The following DGKG variants were observed in gnomAD, a reference collection of about 807,000 sequenced individuals.
The protein encoded by DGKG is diacylglycerol kinase gamma.
A neutral mutation model predicts 105.3 loss-of-function variants in DGKG; 78 were observed. The observed-to-expected ratio is 0.74, with a 90% confidence interval of 0.62 to 0.89. The LOEUF (loss-of-function observed/expected upper bound fraction) is 0.89, where lower values mean the gene tolerates loss of function less well. Ranked by LOEUF, DGKG falls within the 40% of genes least tolerant of loss-of-function variation. DGKG has a pLI of 0.00. For missense variants in DGKG, 958 were observed against 1,020.1 expected, an observed-to-expected ratio of 0.94 and a Z score of 0.83; for synonymous variants, 346 against 367.1, an observed-to-expected ratio of 0.94 and a Z score of 0.66.
At chr3:186,247,802 C>T (rs944375275) in intron 19 of DGKG, among the ~76,000 whole-genome samples, 1 of 152,088 alleles carries the variant, frequency 6.6e-6, no homozygotes, top group Non-Finnish European at 1.5e-5. Flanking sequence ...AAAAAAATTA[C>T]AAGAAAGATA....
intron 5 of DGKG, among the ~76,000 whole-genome samples, chr3:186,292,354 T>C (rs1441101294): frequency 6.6e-6 from 1 of 152,192 alleles, no homozygotes; most frequent in Non-Finnish European, 1.5e-5. Context: ...GTGTGTGTGA[T>C]TTAACACAAG....
intron 24 of DGKG, chr3:186,158,843 T>C (rs1716155176): frequency 1.1e-6 from 1 of 939,096 alleles, no homozygotes; most frequent in South Asian, 4.9e-5. Flanking sequence ...CATAATTGAA[T>C]GTACTTTTTA....
intron 21 of DGKG, among the ~76,000 whole-genome samples, chr3:186,194,924 C>CG (rs1718105342): frequency 6.6e-6 from 1 of 151,328 alleles, no homozygotes; most frequent in African/African-American, 2.4e-5. Flanking sequence ...GCCAACATGG[C>CG]GAAACCCTGT....
chr3:186,325,317 TG>T (rs1725286984), intron 1 of DGKG, among the ~76,000 whole-genome samples: 1 of 152,160 alleles, frequency 6.6e-6, no homozygotes. Context: ...ACCTGGGTGA[TG>T]GGATCATTCA....
chr3:186,173,927 A>G (rs917582329), intron 22 of DGKG, among the ~76,000 whole-genome samples: 9 of 152,232 alleles, frequency 5.9e-5, no homozygotes, highest in Non-Finnish European at 8.8e-5. Context: ...CATCCCAACC[A>G]TAACTAAGCT....
At chr3:186,301,792 C>T (rs1023421305) in intron 3 of DGKG, among the ~76,000 whole-genome samples, 4 of 152,210 alleles carry the variant, frequency 2.6e-5, no homozygotes, top group African/African-American at 7.2e-5. Flanking sequence ...CAGTGTTCTA[C>T]AGTCCAGTGG....
At chr3:186,293,229 A>G (rs760077370) in intron 5 of DGKG, among the ~76,000 whole-genome samples, 4 of 152,212 alleles carry the variant, frequency 2.6e-5, no homozygotes, top group Non-Finnish European at 4.4e-5. Flanking sequence ...ATTATAGTAT[A>G]CAGAGTAGTT....
chr3:186,323,546 C>G (rs561590354), intron 1 of DGKG, among the ~76,000 whole-genome samples: 1 of 152,286 alleles, frequency 6.6e-6, no homozygotes, highest in East Asian at 1.9e-4. Context: ...GTAATCCCAT[C>G]ACTTTAGGAG....
At chr3:186,333,052 G>T (rs565825417) in intron 1 of DGKG, among the ~76,000 whole-genome samples, 1 of 152,234 alleles carries the variant, frequency 6.6e-6, no homozygotes, top group African/African-American at 2.4e-5. Context: ...CTCCATAACC[G>T]TAAGAAATAA....
At chr3:186,350,065 T>C (rs1726553836) in intron 1 of DGKG, among the ~76,000 whole-genome samples, 1 of 152,066 alleles carries the variant, frequency 6.6e-6, no homozygotes, top group East Asian at 1.9e-4. Flanking sequence ...TGTGTAGTTT[T>C]TTTAAGTAGA....
intron 5 of DGKG, among the ~76,000 whole-genome samples, chr3:186,296,871 A>G (rs991241429): frequency 2.0e-5 from 3 of 152,222 alleles, no homozygotes; most frequent in African/African-American, 7.2e-5. Context: ...CTTCAAGACC[A>G]TTTGAGCTGG....
intron 19 of DGKG, among the ~76,000 whole-genome samples, chr3:186,250,625 T>C (rs184439971): frequency 0.011 from 1,568 of 139,282 alleles, 10 homozygotes; most frequent in Non-Finnish European, 0.016. Flanking sequence ...TCTCGGCTCA[T>C]TGCAACCTCT....
chr3:186,319,155 A>G (rs1379840359), intron 2 of DGKG, among the ~76,000 whole-genome samples: 3 of 152,280 alleles, frequency 2.0e-5, no homozygotes, highest in Non-Finnish European at 4.4e-5. Context: ...TTCTAAACCC[A>G]TGGGGGTCAG....
intron 7 of DGKG, among the ~76,000 whole-genome samples, chr3:186,283,449 C>T (rs992575261): frequency 2.0e-5 from 3 of 152,288 alleles, no homozygotes; most frequent in African/African-American, 7.2e-5. Context: ...ACTCCCTCAC[C>T]TTCTTCATGC....
At chr3:186,299,838 T>TCTTTCTTTC (rs1560142060) in intron 3 of DGKG, among the ~76,000 whole-genome samples, 67 of 83,734 alleles carry the variant, frequency 8.0e-4, no homozygotes, top group Middle Eastern at 6.1e-3. Context: ...TCTTTCTTTC[T>TCTTTCTTTC]TTTTTTTTTT....
At position 186,313,165 on chromosome 3, in the gene DGKG, G is replaced by A. The variant is rs373041127; in HGVS notation, c.68-6188C>T. Among the ~76,000 whole-genome samples the A allele has an allele frequency of 8.5e-5, 13 of 152,266 alleles. No homozygotes were observed. In the South Asian group the frequency reaches 2.7e-3, roughly 32 times the overall value. ...GGGCTTTAAAAAATACTGATGCCCAGGCCCCTTGCCTACAAACTGTGATTA... is the reference window on the plus strand; with the variant it reads ...GGGCTTTAAAAAATACTGATGCCCAAGCCCCTTGCCTACAAACTGTGATTA... On this transcript the variant is annotated intron_variant, in intron 2 of 24. Transcript: ENST00000265022.
intron 13 of DGKG, among the ~76,000 whole-genome samples, chr3:186,265,582 T>TCCA (rs1722009362): frequency 6.6e-6 from 1 of 151,908 alleles, no homozygotes; most frequent in South Asian, 2.1e-4. Context: ...GTGGCAGAAT[T>TCCA]CCACTTGGTT....
At chr3:186,313,875 AT>A (rs1408806370) in intron 2 of DGKG, among the ~76,000 whole-genome samples, 1 of 152,172 alleles carries the variant, frequency 6.6e-6, no homozygotes, top group African/African-American at 2.4e-5. Flanking sequence ...ATGACCCTTC[AT>A]GGGCCCAGGA....
chr3:186,275,014 AG>A (rs1208367069), intron 10 of DGKG, among the ~76,000 whole-genome samples: 11 of 152,130 alleles, frequency 7.2e-5, no homozygotes, highest in Non-Finnish European at 1.2e-4. Context: ...ACAGTGTAAA[AG>A]TGTTCCTATT....
Sources: allele counts gnomAD v4.1 joint callset (sites outside exome capture counted in the v4.1 genomes callset), GRCh38; gene constraint gnomAD v4.1.1; transcripts MANE v1.5; gene names NCBI Gene and HGNC (gene_info 2026-07-23, HGNC 2026-07-21).